CDH5: variants seen among roughly 807,000 people sequenced by gnomAD.
CDH5 encodes cadherin-5.
Under a neutral mutation model 62.0 loss-of-function variants are expected in CDH5, and 28 were observed. The observed-to-expected ratio is 0.45, with a 90% CI of 0.33 to 0.62. CDH5 has a LOEUF of 0.62. Ranked by LOEUF, CDH5 falls within the 20% of genes least tolerant of loss-of-function variation. CDH5 has a pLI of 0.02. For missense variants in CDH5, 940 were observed against 1,065.1 expected (o/e 0.88, Z 1.63); for synonymous variants, 464 against 445.8 (o/e 1.04, Z -0.52).
chr16:66,376,957 G>T (rs920207817), intron 1 of CDH5, among the ~76,000 whole-genome samples: 2 of 152,148 alleles, frequency 1.3e-5, no homozygotes, highest in Admixed American at 1.3e-4. Flanking sequence ...GAGCCTGGGC[G>T]CTCACCCTGT....
At chr16:66,370,419 A>G (rs1347324217) in intron 1 of CDH5, among the ~76,000 whole-genome samples, 1 of 152,188 alleles carries the variant, frequency 6.6e-6, no homozygotes, top group Admixed American at 6.5e-5. Context: ...ATTTGGGAAC[A>G]AGGAGGAGCT....
Position 66,401,017 on chromosome 16 carries a change from G to A in CDH5, c.1837+1G>A. The A allele has an allele frequency of 1.2e-6, 2 of 1,613,906 alleles. No individual in the cohort carries two copies. The highest frequency in any genetic ancestry group is 1.7e-6 in the Non-Finnish European group (2 of 1,180,038). ...TTACTCTGCATCCTCACCATCACAG[G>A]TCAGTGCTGGGCAGGGTGGGGAGAA... On this transcript the variant is annotated splice_donor_variant, in intron 11 of 11. Coordinates refer to ENST00000341529, the MANE Select transcript of CDH5 (RefSeq NM_001795.5). LOFTEE classifies it high-confidence loss of function.
chr16:66,378,009 A>C lies in CDH5; in HGVS notation c.-19-1310A>C, dbSNP rs542089443. On this transcript the variant is annotated intron_variant, in intron 1 of 11. Coordinates refer to ENST00000341529, the MANE Select transcript of CDH5 (RefSeq NM_001795.5). Reference sequence around the variant, plus strand: ...TGTCGCCTTCTTAAAATTCTTTTGCACTGGGCCACACAAATTATGAAGCCA... The same window carrying C: ...TGTCGCCTTCTTAAAATTCTTTTGCCCTGGGCCACACAAATTATGAAGCCA... 3.9e-5 allele frequency among the ~76,000 whole-genome samples: 6 copies of C among 152,214 alleles called. No individual in the cohort carries two copies. The East Asian group carries it at 1.2e-3, about 29-fold the overall frequency.
At chr16:66,379,932 T>C (rs1960862330) in intron 2 of CDH5, among the ~76,000 whole-genome samples, 1 of 97,046 alleles carries the variant, frequency 1.0e-5, no homozygotes, top group Non-Finnish European at 2.3e-5. Flanking sequence ...TAGGTGTTGG[T>C]GGTGATCACG....
chr16:66,392,253 A>T lies in CDH5; in HGVS notation c.1087A>T (p.Ile363Phe), dbSNP rs1961099541. The change falls in exon 7 of 12, where the codon ATC becomes TTC. Residue 363 changes from isoleucine to phenylalanine, a missense_variant. By Grantham distance (21) the Ile-to-Phe change is conservative. Transcript: ENST00000341529. ...AGNRAQVIIN[I>F]TDVDEPPIFQ... The stretch of plus-strand genomic sequence containing the variant: ...AAACAGAGCCCAGGTCATTATCAAC[A>T]TCACAGATGTGGACGAGCCCCCCAT... The T allele has an allele frequency of 6.2e-7, 1 of 1,614,004 alleles. No individual in the cohort carries two copies. Among genetic ancestry groups the T allele is most frequent in the Admixed American group, 1.7e-5 (1 of 59,988 alleles).
Position 66,377,112 on chromosome 16 carries a change from A to G in CDH5, c.-19-2207A>G, listed in dbSNP as rs1960800585. On this transcript the variant is annotated intron_variant, in intron 1 of 11. Coordinates refer to ENST00000341529, the MANE Select transcript of CDH5 (RefSeq NM_001795.5). ...CACTTTCTTTCTGGACAAAGAAGGA[A>G]ATGAGCCACAGGGTCTGGGTCCAGT... is the stretch of plus-strand genomic sequence containing the variant. The G allele has an allele frequency of 2.0e-5, 3 of 152,210 alleles. No individual in the cohort carries two copies. In the South Asian group the frequency reaches 6.2e-4, roughly 32 times the overall value. The allele number at this position is 152,210 out of a possible 1,614,324, so 9.4% of individuals were successfully genotyped here.
intron 7 of CDH5, 154 bp downstream of exon 7, chr16:66,392,537 T>G: frequency 9.5e-7 from 1 of 1,050,816 alleles, no homozygotes; most frequent in South Asian, 1.6e-5. Context: ...CCCAAGCTCT[T>G]GCACTTGGCA....
rs370354276 is a variant in CDH5 at position 66,375,082 on chromosome 16, G to A, written c.-19-4237G>A. On this transcript the variant is annotated intron_variant, in intron 1 of 11. Coordinates refer to ENST00000341529, the MANE Select transcript of CDH5 (RefSeq NM_001795.5). ...GTGCTTACACAAAGAAATCTGGATCGTATAGCCTGCCGCACACCTAGGCTG... is the reference window on the plus strand; with the variant it reads ...GTGCTTACACAAAGAAATCTGGATCATATAGCCTGCCGCACACCTAGGCTG... 4.3e-4 allele frequency among the ~76,000 whole-genome samples: 65 copies of A among 152,234 alleles called. 2 individuals are homozygous for A. The highest frequency in any genetic ancestry group is 1.4e-3 in the African/African-American group (58 of 41,524).
rs762446860 is a variant in CDH5 at position 66,402,842 on chromosome 16, C to G, written c.2028C>G (p.Pro676=). ...VRRGGAKPPR[P]ALDARPSLYA... ...GCGGCGGGGCCAAGCCCCCGCGGCC[C>G]GCGCTGGACGCCCGGCCTTCCCTCT... Residue 676 remains proline, a synonymous_variant, in exon 12 of 12, where the codon CCC becomes CCG. Transcript: ENST00000341529. 6.3e-7 allele frequency: 1 copy of G among 1,599,828 alleles called. No individual in the cohort carries two copies. Among genetic ancestry groups the G allele is most frequent in the African/African-American group, 1.3e-5 (1 of 74,868 alleles).
At chr16:66,402,557 G>A (rs113672170) in intron 11 of CDH5, 95 bp from the exon 12 acceptor site, 619,845 of 1,048,876 alleles carry the variant, frequency 0.59, 188,395 homozygotes, top group East Asian at 0.8. Context: ...GAGGGCGTGG[G>A]GGTGGGGTTG....
At position 66,387,069 on chromosome 16, in the gene CDH5, T is replaced by C; in HGVS notation, c.471T>C (p.Asn157=). The change falls in exon 3 of 12, where the codon AAT becomes AAC. Residue 157 remains asparagine, a synonymous_variant. Coordinates refer to ENST00000341529, the MANE Select transcript of CDH5 (RefSeq NM_001795.5). ...CTGTGTTCACGCATCGGTTGTTCAA[T>C]GCGTCCGTGCCTGAGTCGTCGGCTG... The part of the protein sequence containing the change: ...NWPVFTHRLF[N]ASVPESSAVG... 3.7e-6 allele frequency: 6 copies of C among 1,613,922 alleles called. No homozygotes were observed. Among genetic ancestry groups the C allele is most frequent in the Non-Finnish European group, 5.1e-6 (6 of 1,179,840 alleles).
chr16:66,401,774 G>C (rs571720004), intron 11 of CDH5, among the ~76,000 whole-genome samples: 1 of 152,160 alleles, frequency 6.6e-6, no homozygotes, highest in Non-Finnish European at 1.5e-5. Context: ...TCATCCCACC[G>C]GGGGAGCACA....
At chr16:66,383,523 C>T (rs1960931782) in intron 2 of CDH5, among the ~76,000 whole-genome samples, 1 of 152,136 alleles carries the variant, frequency 6.6e-6, no homozygotes, top group African/African-American at 2.4e-5. Flanking sequence ...GATTTCCTCC[C>T]TCCATCCTCC....
chr16:66,374,441 C>T (rs72786449), intron 1 of CDH5, among the ~76,000 whole-genome samples: 15,034 of 152,316 alleles, frequency 0.099, 955 homozygotes, highest in Middle Eastern at 0.22. Flanking sequence ...AGTCTCAGCC[C>T]TGTCAGAGGG....
intron 5 of CDH5, 37 bp from the exon 6 acceptor site, chr16:66,390,366 T>C (rs1210791970): frequency 6.5e-7 from 1 of 1,540,070 alleles, no homozygotes; most frequent in Non-Finnish European, 8.8e-7. Context: ...TCTATCTCAT[T>C]AACCCAAAGC....
At chr16:66,368,103 G>A (rs575613583) in intron 1 of CDH5, among the ~76,000 whole-genome samples, 22 of 152,272 alleles carry the variant, frequency 1.4e-4, no homozygotes, top group Middle Eastern at 3.4e-3. Flanking sequence ...CCTCCCCAGC[G>A]TGGACGTTTC....
At position 66,386,895 on chromosome 16, in the gene CDH5, A is replaced by G; in HGVS notation, c.297A>G (p.Thr99=). Residue 99 remains threonine (T), a synonymous_variant, in exon 3 of 12, where the codon ACA becomes ACG. Transcript: ENST00000341529. ...AGGTCTTCCGGGTCGATGCAGAGAC[A>G]GGAGACGTGTTCGCCATTGAGAGGC... ...VGKVFRVDAE[T]GDVFAIERLD... 6.2e-7 allele frequency: 1 copy of G among 1,614,232 alleles called. No individual in the cohort carries two copies. The highest frequency in any genetic ancestry group is 8.5e-7 in the Non-Finnish European group (1 of 1,180,042).
chr16:66,389,609 C>G, intron 5 of CDH5, 87 bp downstream of exon 5: 1 of 1,161,954 alleles, frequency 8.6e-7, no homozygotes, highest in East Asian at 2.7e-5. Context: ...AGTTACAAAT[C>G]ACTTTACCTC....
intron 10 of CDH5, among the ~76,000 whole-genome samples, chr16:66,400,073 C>T (rs936629988): frequency 6.6e-6 from 1 of 152,180 alleles, no homozygotes; most frequent in Non-Finnish European, 1.5e-5. Flanking sequence ...TGCCCAGAAC[C>T]ACTGAATAAG....
Sources: allele counts gnomAD v4.1 joint callset (sites outside exome capture counted in the v4.1 genomes callset), GRCh38; gene constraint gnomAD v4.1.1; transcripts MANE v1.5; gene names NCBI Gene and HGNC (gene_info 2026-07-23, HGNC 2026-07-21).